The following ASCC3 variants were observed in gnomAD, a reference collection of about 807,000 sequenced individuals.
The protein encoded by ASCC3 is activating signal cointegrator 1 complex subunit 3.
A neutral mutation model predicts 256.3 loss-of-function variants in ASCC3; 158 were observed. The ratio of observed to expected loss-of-function variants is 0.62; its 90% CI spans 0.54 to 0.70. The LOEUF (loss-of-function observed/expected upper bound fraction) is 0.70. Among genes scored for constraint, ASCC3 ranks in the 30% least tolerant of loss-of-function variants. The pLI is 0.00. For synonymous variants in ASCC3, 948 were observed against 883.4 expected (o/e 1.07, Z -1.30); for missense variants, 2,259 against 2,626.0 (o/e 0.86, Z 3.05).
chr6:100,684,247 A>G (rs903524057), intron 13 of ASCC3, among the ~76,000 whole-genome samples: 5 of 152,190 alleles, frequency 3.3e-5, no homozygotes, highest in Non-Finnish European at 5.9e-5. Flanking sequence ...TTTCCCCCAG[A>G]ACACAGATAA....
At chr6:100,861,548 T>A (rs1407463039) in intron 3 of ASCC3, among the ~76,000 whole-genome samples, 1 of 152,136 alleles carries the variant, frequency 6.6e-6, no homozygotes, top group Non-Finnish European at 1.5e-5. Flanking sequence ...ATTTCCAGTA[T>A]CAGCATTTTC....
rs76025700 is a variant in ASCC3 at position 100,521,618 on chromosome 6, G to A, written c.5776-3476C>T. Among the ~76,000 whole-genome samples, 20 of 152,294 alleles carry A rather than the reference G, an allele frequency of 1.3e-4. No individual in the cohort carries two copies. In the East Asian group the frequency reaches 3.7e-3, roughly 28 times the overall value. Reference sequence around the variant, plus strand: ...CATCCACTGGGGGTCTTGGAACTATGTTCTAAGGATAAGGGGGTACTGTTG... The same window carrying A: ...CATCCACTGGGGGTCTTGGAACTATATTCTAAGGATAAGGGGGTACTGTTG... On this transcript the variant is annotated intron_variant, in intron 37 of 41. Coordinates refer to ENST00000369162, the MANE Select transcript of ASCC3 (RefSeq NM_006828.4).
intron 36 of ASCC3, among the ~76,000 whole-genome samples, chr6:100,566,663 G>A (rs1028542012): frequency 6.6e-6 from 1 of 151,906 alleles, no homozygotes; most frequent in Admixed American, 6.6e-5. Context: ...TGCATTGATT[G>A]CCATTTGTTT....
At position 100,820,397 on chromosome 6, in the gene ASCC3, C is replaced by G. The variant is rs368039998; in HGVS notation, c.802-14517G>C. On this transcript the variant is annotated intron_variant, in intron 4 of 41. Coordinates refer to ENST00000369162, the MANE Select transcript of ASCC3 (RefSeq NM_006828.4). Reference sequence around the variant, plus strand: ...GACTATTTAAAGGGAAAAGAAGAGACTTTTCAATAAATGATGATGGGACAA... The same window carrying G: ...GACTATTTAAAGGGAAAAGAAGAGAGTTTTCAATAAATGATGATGGGACAA... Among the ~76,000 whole-genome samples the G allele has an allele frequency of 5.3e-5, 8 of 152,116 alleles. No individual in the cohort carries two copies. In the East Asian group the frequency reaches 9.6e-4, roughly 18 times the overall value.
chr6:100,880,904 A>G (rs1057373454), intron 1 of ASCC3, among the ~76,000 whole-genome samples, 157 bp downstream of exon 1: 2 of 152,142 alleles, frequency 1.3e-5, no homozygotes, highest in Non-Finnish European at 2.9e-5. Flanking sequence ...ACTCGACCTC[A>G]TGCCACTGAA....
At chr6:100,597,186 A>G (rs1274983904) in intron 34 of ASCC3, among the ~76,000 whole-genome samples, 2 of 152,028 alleles carry the variant, frequency 1.3e-5, no homozygotes, top group Non-Finnish European at 2.9e-5. Context: ...GGCTCTCCCA[A>G]TCTTCCTTAT....
At chr6:100,821,331 T>C (rs1408602580) in intron 4 of ASCC3, among the ~76,000 whole-genome samples, 6 of 152,204 alleles carry the variant, frequency 3.9e-5, no homozygotes, top group Admixed American at 6.5e-5. Context: ...AAATTAGACA[T>C]AGAATCACTA....
chr6:100,847,074 T>C (rs1772418571), intron 4 of ASCC3, among the ~76,000 whole-genome samples: 1 of 152,166 alleles, frequency 6.6e-6, no homozygotes, highest in African/African-American at 2.4e-5. Flanking sequence ...AGTTACATAC[T>C]TTAAAATTGT....
At chr6:100,751,986 G>A (rs1257272895) in intron 10 of ASCC3, among the ~76,000 whole-genome samples, 1 of 152,118 alleles carries the variant, frequency 6.6e-6, no homozygotes, top group Non-Finnish European at 1.5e-5. Flanking sequence ...CTATTGGAGA[G>A]ATGTTTTTGA....
chr6:100,790,887 G>C (rs1273127363), intron 8 of ASCC3, among the ~76,000 whole-genome samples: 3 of 151,858 alleles, frequency 2.0e-5, no homozygotes, highest in African/African-American at 4.8e-5. Context: ...CTGTTTGCAA[G>C]TGTTCCCAGT....
At chr6:100,788,489 A>G (rs1769195619) in intron 8 of ASCC3, among the ~76,000 whole-genome samples, 1 of 151,996 alleles carries the variant, frequency 6.6e-6, no homozygotes, top group Non-Finnish European at 1.5e-5. Context: ...ACAAAAATAT[A>G]TGTTCAAATA....
intron 25 of ASCC3, among the ~76,000 whole-genome samples, chr6:100,631,913 G>A (rs1259967918): frequency 2.0e-5 from 3 of 151,720 alleles, no homozygotes; most frequent in Admixed American, 1.3e-4. Flanking sequence ...GTTAAGTAGG[G>A]AAGAAAAGCC....
At chr6:100,673,157 A>C (rs528515921) in intron 14 of ASCC3, among the ~76,000 whole-genome samples, 13 of 152,122 alleles carry the variant, frequency 8.5e-5, no homozygotes, top group Non-Finnish European at 1.3e-4. Context: ...CTATTAATAG[A>C]AATAAGTTGG....
intron 14 of ASCC3, among the ~76,000 whole-genome samples, chr6:100,664,363 T>C (rs1776370811): frequency 6.6e-6 from 1 of 152,152 alleles, no homozygotes; most frequent in Non-Finnish European, 1.5e-5. Flanking sequence ...TCTAAGTTAA[T>C]AATATTTAAC....
At chr6:100,762,805 C>G (rs1781476374) in intron 10 of ASCC3, among the ~76,000 whole-genome samples, 1 of 151,776 alleles carries the variant, frequency 6.6e-6, no homozygotes, top group South Asian at 2.1e-4. Flanking sequence ...ATTCAATAAG[C>G]AATAAAGAAC....
chr6:100,697,022 T>C (rs1458487193), intron 13 of ASCC3, among the ~76,000 whole-genome samples: 1 of 152,118 alleles, frequency 6.6e-6, no homozygotes, highest in Non-Finnish European at 1.5e-5. Context: ...TAAATCAGCT[T>C]GATCTATGTT....
intron 14 of ASCC3, among the ~76,000 whole-genome samples, chr6:100,666,652 A>G (rs1405407093): frequency 1.3e-5 from 2 of 152,180 alleles, no homozygotes; most frequent in South Asian, 2.1e-4. Flanking sequence ...ACTGCACACA[A>G]AAGTATAAGG....
chr6:100,597,973 C>CAAA (rs34634494), intron 34 of ASCC3, among the ~76,000 whole-genome samples: 1 of 88,036 alleles, frequency 1.1e-5, no homozygotes, highest in Non-Finnish European at 2.3e-5. Context: ...GACTCCGTCT[C>CAAA]AAAAAAAAAA....
At chr6:100,580,246 T>C (rs977752135) in intron 36 of ASCC3, among the ~76,000 whole-genome samples, 1 of 152,038 alleles carries the variant, frequency 6.6e-6, no homozygotes, top group Non-Finnish European at 1.5e-5. Flanking sequence ...ACATAAAGCG[T>C]AAGAATTCTA....
Sources: allele counts gnomAD v4.1 joint callset (sites outside exome capture counted in the v4.1 genomes callset), GRCh38; gene constraint gnomAD v4.1.1; transcripts MANE v1.5; gene names NCBI Gene and HGNC (gene_info 2026-07-23, HGNC 2026-07-21).